Variants in FABP5 observed in about 807,000 individuals in gnomAD.
FABP5 encodes fatty acid binding protein 5.
Under a neutral mutation model 16.9 loss-of-function variants are expected in FABP5, and 7 were observed. The ratio of observed to expected loss-of-function variants is 0.41; its 90% CI spans 0.24 to 0.78. The LOEUF (loss-of-function observed/expected upper bound fraction) is 0.78, where lower values mean the gene tolerates loss of function less well. FABP5 is among the 30% of genes least tolerant of loss of function. The pLI is 0.30. For synonymous variants in FABP5, 37 were observed against 52.8 expected (o/e 0.70, Z 1.30); for missense variants, 119 against 159.5 (o/e 0.75, Z 1.37).
Position 81,281,870 on chromosome 8 carries a change from A to G in FABP5, c.79+1196A>G, listed in dbSNP as rs368033351. 2.9e-4 allele frequency among the ~76,000 whole-genome samples: 44 copies of G among 152,150 alleles called. No homozygotes were observed. Among genetic ancestry groups the G allele is most frequent in the African/African-American group, 8.9e-4 (37 of 41,518 alleles). ...GGAAGGGAGCTTCCAGCCCTAAGGG[A>G]TGGCTGGGATTTATGAGGGTGCTTC... On this transcript the variant is annotated intron_variant, in intron 1 of 3. Transcript: ENST00000297258. This position sits in a 1 kb window ranked among gnomAD's most constrained non-coding sequence, Gnocchi z 4.5.
At chr8:81,284,273 A>G in intron 3 of FABP5, 2 of 529,514 alleles carry the variant, frequency 3.8e-6, no homozygotes, top group East Asian at 5.8e-5. Flanking sequence ...AATAAGGAAT[A>G]TTTGCCATAA....
At chr8:81,284,030 A>G (rs1563480588) in intron 3 of FABP5, 56 bp downstream of exon 3, 1 of 1,290,602 alleles carries the variant, frequency 7.7e-7, no homozygotes. Flanking sequence ...CATAGTTCAC[A>G]TAACTGTTCT....
At chr8:81,282,167 AGTGTGTGTGTGTGTGTGT>A (rs10700115) in intron 1 of FABP5, among the ~76,000 whole-genome samples, 11 of 147,692 alleles carry the variant, frequency 7.4e-5, no homozygotes, top group Non-Finnish European at 1.2e-4. Context: ...AATAAATAAC[AGTGTGTGTGTGTGTGTGT>A]GTGTGTGTGT....
At chr8:81,280,726 C>T in intron 1 of FABP5, 52 bp downstream of exon 1, 1 of 1,501,282 alleles carries the variant, frequency 6.7e-7, no homozygotes, top group Non-Finnish European at 9.1e-7. Context: ...GTGCGGTCGT[C>T]TGTCCCTAGG....
At chr8:81,280,783 T>A in intron 1 of FABP5, 109 bp downstream of exon 1, 4 of 1,018,066 alleles carry the variant, frequency 3.9e-6, no homozygotes, top group Non-Finnish European at 5.9e-6. Context: ...CTCGGCGGCC[T>A]ACCCCCATCC....
intron 2 of FABP5, 112 bp downstream of exon 2, chr8:81,283,650 G>T: frequency 8.0e-7 from 1 of 1,249,620 alleles, no homozygotes; most frequent in Non-Finnish European, 1.1e-6. Flanking sequence ...TTTATGAATT[G>T]AATTTTGTCA....
intron 1 of FABP5, 25 bp downstream of exon 1, chr8:81,280,699 C>T (rs1236924163): frequency 1.0e-5 from 16 of 1,548,988 alleles, no homozygotes; most frequent in Non-Finnish European, 1.3e-5. Flanking sequence ...CTGGCAGCGC[C>T]TGCAACGTGG....
intron 1 of FABP5, chr8:81,283,057 T>C (rs1807858292): frequency 4.6e-6 from 1 of 216,864 alleles, no homozygotes; most frequent in African/African-American, 2.3e-5. Context: ...AGGGTGCCAG[T>C]GCTCTTGGTT....
At position 81,281,951 on chromosome 8, in the gene FABP5, T is replaced by A. The variant is rs1807839126; in HGVS notation, c.79+1277T>A. Among the ~76,000 whole-genome samples the A allele has an allele frequency of 6.6e-6, 1 of 152,140 alleles. No homozygotes were observed. Among genetic ancestry groups the A allele is most frequent in the South Asian group, 2.1e-4 (1 of 4,824 alleles). ...TTGCTCGCTGGTGAAATAACTACCGTGACCCTCTATTGATACCTGGTCGCC... is the reference window on the plus strand; with the variant it reads ...TTGCTCGCTGGTGAAATAACTACCGAGACCCTCTATTGATACCTGGTCGCC... On this transcript the variant is annotated intron_variant, in intron 1 of 3. Transcript: ENST00000297258. This position sits in a 1 kb window ranked among gnomAD's most constrained non-coding sequence, Gnocchi z 4.5.
intron 1 of FABP5, among the ~76,000 whole-genome samples, chr8:81,282,489 G>A (rs939299641): frequency 2.0e-5 from 3 of 152,148 alleles, no homozygotes; most frequent in Non-Finnish European, 2.9e-5. Flanking sequence ...ATCATGCTGC[G>A]TAGGTTGTAG....
Position 81,280,860 on chromosome 8 carries a change from A to T in FABP5, c.79+186A>T, listed in dbSNP as rs565654644. On this transcript the variant is annotated intron_variant, in intron 1 of 3. Transcript: ENST00000297258. ...CGCAGCACCACGCGGGCAGGCGGCG[A>T]GGAGCAGGGAGCGTGCGCGCCTCTT... 2.6e-5 allele frequency: 15 copies of T among 573,248 alleles called. No individual in the cohort carries two copies. The South Asian group carries it at 2.9e-4, about 11-fold the overall frequency. 35.5% of individuals were successfully genotyped at this position (573,248 alleles called of 1,614,324 possible).
intron 3 of FABP5, 75 bp from the exon 4 acceptor site, chr8:81,284,439 T>C (rs1807880653): frequency 2.1e-6 from 2 of 970,644 alleles, no homozygotes; most frequent in Non-Finnish European, 3.2e-6. Flanking sequence ...GGACTTTGAT[T>C]CTAATGTTTT....
At chr8:81,283,731 C>A in intron 2 of FABP5, 142 bp from the exon 3 acceptor site, 2 of 926,332 alleles carry the variant, frequency 2.2e-6, no homozygotes, top group Non-Finnish European at 3.2e-6. Context: ...AAACCACAAA[C>A]TATTGTGAAT....
chr8:81,283,274 C>T lies in FABP5; in HGVS notation c.80-92C>T, dbSNP rs201807901. 2.8e-5 allele frequency: 31 copies of T among 1,093,068 alleles called. No homozygotes were observed. In the East Asian group the frequency reaches 4.8e-4, roughly 17 times the overall value. The allele number at this position is 1,093,068 out of a possible 1,614,324, so 67.7% of individuals were successfully genotyped here. On this transcript the variant is annotated intron_variant, in intron 1 of 3. Coordinates refer to ENST00000297258, the MANE Select transcript of FABP5 (RefSeq NM_001444.3). ...AATAAGCAAATAAGTGAAAATATGC[C>T]GCACAAAGTGATTACAATGGAATTA...
chr8:81,281,638 T>G lies in FABP5; in HGVS notation c.79+964T>G, dbSNP rs534616174. The G allele has an allele frequency of 2.3e-5, 23 of 985,432 alleles. No homozygotes were observed. The highest frequency in any genetic ancestry group is 1.8e-4 in the Admixed American group (3 of 16,286). The allele number at this position is 985,432 out of a possible 1,614,324, so 61.0% of individuals were successfully genotyped here. On this transcript the variant is annotated intron_variant, in intron 1 of 3. Coordinates refer to ENST00000297258, the MANE Select transcript of FABP5 (RefSeq NM_001444.3). The surrounding 1 kb of genome is among the most constrained non-coding windows in gnomAD (Gnocchi z 4.5). ...GTGGCCCTGCAGAAGGCAGATGACT[T>G]CTTGAAGCGTTCCGAGGGAGAATGA...
chr8:81,280,906 A>T (rs1001918089), intron 1 of FABP5: 1 of 517,856 alleles, frequency 1.9e-6, no homozygotes, highest in African/African-American at 2.0e-5. Context: ...GGGCCGCAAG[A>T]TTCCGGAGGT....
chr8:81,281,739 C>G lies in FABP5; in HGVS notation c.79+1065C>G. ...TTACTGTCCTTTTCTATGCCAGTGA[C>G]AGATTGCATGCTGATTGAGACACTG... On this transcript the variant is annotated intron_variant, in intron 1 of 3. Coordinates refer to ENST00000297258, the MANE Select transcript of FABP5 (RefSeq NM_001444.3). The surrounding 1 kb of genome is among the most constrained non-coding windows in gnomAD (Gnocchi z 4.5). 1.1e-6 allele frequency: 1 copy of G among 904,464 alleles called. No homozygotes were observed. Among genetic ancestry groups the G allele is most frequent in the Non-Finnish European group, 1.3e-6 (1 of 756,012 alleles). The allele number at this position is 904,464 out of a possible 1,614,324, so 56.0% of individuals were successfully genotyped here. A position where few individuals can be genotyped will look rare whatever the true frequency, so the allele number is the denominator to read the frequency against.
At chr8:81,280,943 T>C (rs1807819085) in intron 1 of FABP5, 2 of 439,134 alleles carry the variant, frequency 4.6e-6, no homozygotes, top group East Asian at 8.3e-5. Context: ...CACCTACCTC[T>C]GCTTCTTTCC....
rs1329301382 is a variant in FABP5, at chr8:81,281,215, G to A, written c.79+541G>A. On this transcript the variant is annotated intron_variant, in intron 1 of 3. Coordinates refer to ENST00000297258, the MANE Select transcript of FABP5 (RefSeq NM_001444.3). The surrounding 1 kb of genome is among the most constrained non-coding windows in gnomAD (Gnocchi z 4.5). The stretch of plus-strand genomic sequence containing the variant: ...CACCCTCCGTTTTCTTCATGGGGAC[G>A]CGGTGCTGGCGCGCAGTTTCCCGCA... 1 of 446,198 alleles carries A rather than the reference G, an allele frequency of 2.2e-6. No individual in the cohort carries two copies. The highest frequency in any genetic ancestry group is 2.1e-5 in the African/African-American group (1 of 47,080). The allele number at this position is 446,198 out of a possible 1,614,324, so 27.6% of individuals were successfully genotyped here. A position where few individuals can be genotyped will look rare whatever the true frequency, so the allele number is the denominator to read the frequency against.
Sources: gnomAD v4.1 joint callset for allele counts (sites outside exome capture counted in the v4.1 genomes callset) on GRCh38, gnomAD v4.1.1 for gene constraint, Gnocchi (gnomAD v3.1) non-coding constraint, MANE v1.5 for transcripts, NCBI Gene and HGNC (gene_info 2026-07-23, HGNC 2026-07-21) for gene names.